The following RAB8B variants were observed in gnomAD, a reference collection of about 807,000 sequenced individuals.
RAB8B encodes RAB8B, member RAS oncogene family.
A neutral mutation model predicts 32.0 loss-of-function variants in RAB8B; 11 were observed. The ratio of observed to expected loss-of-function variants is 0.34; its 90% CI spans 0.22 to 0.57. The LOEUF (loss-of-function observed/expected upper bound fraction) is 0.57. Ranked by LOEUF, RAB8B falls within the 20% of genes least tolerant of loss-of-function variation. The pLI, the probability that RAB8B is intolerant of heterozygous loss-of-function variation, is 0.86. For synonymous variants in RAB8B, 103 were observed against 89.6 expected (o/e 1.15, Z -0.85); for missense variants, 190 against 258.5 (o/e 0.73, Z 1.82).
intron 1 of RAB8B, among the ~76,000 whole-genome samples, chr15:63,205,917 T>C (rs1262389681): frequency 6.6e-6 from 1 of 152,202 alleles, no homozygotes; most frequent in African/African-American, 2.4e-5. Context: ...TGTGCCTCCA[T>C]GGTGGAAGAG....
intron 1 of RAB8B, among the ~76,000 whole-genome samples, chr15:63,202,415 C>T (rs1444339108): frequency 6.6e-5 from 10 of 152,248 alleles, no homozygotes; most frequent in Admixed American, 5.9e-4. Context: ...CAAGTTCCCT[C>T]TTGGCCCCCA....
chr15:63,225,761 T>A (rs1259876475), intron 1 of RAB8B, among the ~76,000 whole-genome samples: 1 of 152,238 alleles, frequency 6.6e-6, no homozygotes, highest in Non-Finnish European at 1.5e-5. Context: ...GTCAGGCTCA[T>A]GGAGGTGCCC....
At chr15:63,234,100 C>T in intron 1 of RAB8B, among the ~76,000 whole-genome samples, 1 of 152,052 alleles carries the variant, frequency 6.6e-6, no homozygotes, top group East Asian at 1.9e-4. Flanking sequence ...TTTTTCTGGA[C>T]CAGGCAGCAG....
At position 63,259,491 on chromosome 15, in the gene RAB8B, G is replaced by A; in HGVS notation, c.415-136G>A. 2.9e-6 allele frequency: 2 copies of A among 678,590 alleles called. No homozygotes were observed. The highest frequency in any genetic ancestry group is 2.5e-6 in the Non-Finnish European group (1 of 401,592). 42.0% of individuals were successfully genotyped at this position (678,590 alleles called of 1,614,324 possible). A position where few individuals can be genotyped will look rare whatever the true frequency, so the allele number is the denominator to read the frequency against. Reference sequence around the variant, plus strand: ...TAAATTCTGAATACAGTAGAAGAAAGCAAAGAAATTTGAGAACCACAGGAG... The same window carrying A: ...TAAATTCTGAATACAGTAGAAGAAAACAAAGAAATTTGAGAACCACAGGAG... On this transcript the variant is annotated intron_variant, in intron 5 of 7. Transcript: ENST00000321437. The surrounding 1 kb of genome is among the most constrained non-coding windows in gnomAD (Gnocchi z 4.4).
chr15:63,250,087 G>A (rs774804392), intron 3 of RAB8B, among the ~76,000 whole-genome samples: 17 of 152,188 alleles, frequency 1.1e-4, no homozygotes, highest in Non-Finnish European at 2.1e-4. Flanking sequence ...AGTGAGCCGA[G>A]ATTGCGCCAC....
chr15:63,199,420 C>T (rs1278333391), intron 1 of RAB8B, among the ~76,000 whole-genome samples: 2 of 152,100 alleles, frequency 1.3e-5, no homozygotes, highest in South Asian at 2.1e-4. Flanking sequence ...TGAACACAGA[C>T]CAGGGTGTTG....
At chr15:63,241,360 T>G (rs1220062922) in intron 1 of RAB8B, among the ~76,000 whole-genome samples, 1 of 152,192 alleles carries the variant, frequency 6.6e-6, no homozygotes, top group Non-Finnish European at 1.5e-5. Context: ...AAAAAATAAG[T>G]GAATGAATTA....
At chr15:63,241,906 C>T (rs568712303) in intron 1 of RAB8B, among the ~76,000 whole-genome samples, 1 of 151,972 alleles carries the variant, frequency 6.6e-6, no homozygotes, top group East Asian at 2.0e-4. Flanking sequence ...TTGTCAGATG[C>T]TAGCAGTAAT....
chr15:63,223,325 T>C (rs998729991), intron 1 of RAB8B, among the ~76,000 whole-genome samples: 3 of 152,182 alleles, frequency 2.0e-5, no homozygotes, highest in African/African-American at 7.2e-5. Flanking sequence ...TTGGCCAGGC[T>C]GGTCTCGAAC....
rs1707335966 is a variant in RAB8B at position 63,266,530 on chromosome 15, T to C, written c.*2911T>C. 6.5e-6 allele frequency: 1 copy of C among 152,716 alleles called. No homozygotes were observed. The highest frequency in any genetic ancestry group is 1.5e-5 in the Non-Finnish European group (1 of 67,974). 9.5% of individuals were successfully genotyped at this position (152,716 alleles called of 1,614,324 possible). The stretch of plus-strand genomic sequence containing the variant: ...ACTTTGAAGGTCTATTTTTTAATTA[T>C]ACCTCATTTAGCTAACTAGTATTCT... On this transcript the variant is annotated 3_prime_UTR_variant, in exon 8 of 8. Transcript: ENST00000321437.
At chr15:63,221,716 T>TG (rs2037846365) in intron 1 of RAB8B, among the ~76,000 whole-genome samples, 1 of 152,202 alleles carries the variant, frequency 6.6e-6, no homozygotes, top group Non-Finnish European at 1.5e-5. Context: ...AGAGCATGGT[T>TG]GGGGGTCTGT....
intron 1 of RAB8B, among the ~76,000 whole-genome samples, chr15:63,236,700 A>C (rs929001495): frequency 6.6e-6 from 1 of 152,228 alleles, no homozygotes; most frequent in Non-Finnish European, 1.5e-5. Flanking sequence ...AGTAATAATA[A>C]TCACATCAGG....
intron 1 of RAB8B, among the ~76,000 whole-genome samples, chr15:63,222,563 A>C (rs1261457385): frequency 6.6e-6 from 1 of 152,202 alleles, no homozygotes; most frequent in African/African-American, 2.4e-5. Context: ...TTTGAGACGG[A>C]GTCTCACTCT....
Position 63,258,898 on chromosome 15 carries a change from A to G in RAB8B, c.415-729A>G, listed in dbSNP as rs1051117240. 3.3e-5 allele frequency among the ~76,000 whole-genome samples: 5 copies of G among 152,022 alleles called. No individual in the cohort carries two copies. In the East Asian group the frequency reaches 9.6e-4, roughly 29 times the overall value. On this transcript the variant is annotated intron_variant, in intron 5 of 7. Coordinates refer to ENST00000321437, the MANE Select transcript of RAB8B (RefSeq NM_016530.3). The stretch of plus-strand genomic sequence containing the variant: ...AATCTGTGAGTCAGAAAAGGGGAGG[A>G]GGTTGCAAAGGGAGTAACCCCTGTA...
At position 63,259,817 on chromosome 15, in the gene RAB8B, C is replaced by A; in HGVS notation, c.480+125C>A. ...AATGCCTTTTGTTGACCCAACTCTA[C>A]TTTGTACACTTTTGTGCTTCTGATT... On this transcript the variant is annotated intron_variant, in intron 6 of 7. Coordinates refer to ENST00000321437, the MANE Select transcript of RAB8B (RefSeq NM_016530.3). This position sits in a 1 kb window ranked among gnomAD's most constrained non-coding sequence, Gnocchi z 4.4. 1 of 790,094 alleles carries A rather than the reference C, an allele frequency of 1.3e-6. No homozygotes were observed. The highest frequency in any genetic ancestry group is 2.0e-6 in the Non-Finnish European group (1 of 492,788). The allele number at this position is 790,094 out of a possible 1,614,324, so 48.9% of individuals were successfully genotyped here.
intron 1 of RAB8B, among the ~76,000 whole-genome samples, chr15:63,190,520 G>T (rs184360069): frequency 6.6e-6 from 1 of 152,104 alleles, no homozygotes; most frequent in Non-Finnish European, 1.5e-5. Context: ...AGAGGAAATG[G>T]AAAGTAGTGG....
chr15:63,256,122 G>A (rs372714428), intron 4 of RAB8B, among the ~76,000 whole-genome samples: 11 of 152,152 alleles, frequency 7.2e-5, no homozygotes, highest in South Asian at 4.1e-4. Flanking sequence ...TTTTGTACAC[G>A]TTTCTATAAA....
chr15:63,235,907 T>A (rs962821467), intron 1 of RAB8B, among the ~76,000 whole-genome samples: 5 of 152,310 alleles, frequency 3.3e-5, no homozygotes, highest in African/African-American at 1.2e-4. Context: ...GTTTAAGTTG[T>A]TGCCTGTGTT....
At position 63,248,269 on chromosome 15, in the gene RAB8B, G is replaced by A. The variant is rs1025593818; in HGVS notation, c.186-1376G>A. Among the ~76,000 whole-genome samples the A allele has an allele frequency of 5.3e-5, 8 of 152,140 alleles. No homozygotes were observed. Among genetic ancestry groups the A allele is most frequent in the African/African-American group, 1.2e-4 (5 of 41,430 alleles). ...TGGCTCACGCCTGTAATGCCAGCAC[G>A]TTGGGAGGCCGAGGCGGGTAGATCA... On this transcript the variant is annotated intron_variant, in intron 2 of 7. Coordinates refer to ENST00000321437, the MANE Select transcript of RAB8B (RefSeq NM_016530.3). This position sits in a 1 kb window ranked among gnomAD's most constrained non-coding sequence, Gnocchi z 4.4.
Sources: gnomAD v4.1 joint callset for allele counts (sites outside exome capture counted in the v4.1 genomes callset) on GRCh38, gnomAD v4.1.1 for gene constraint, Gnocchi (gnomAD v3.1) non-coding constraint, MANE v1.5 for transcripts, NCBI Gene and HGNC (gene_info 2026-07-23, HGNC 2026-07-21) for gene names.